The following PHF2 variants were observed in gnomAD, a reference collection of about 807,000 sequenced individuals.
The protein encoded by PHF2 is PHD finger protein 2.
In PHF2, 27 loss-of-function variants were observed where a neutral mutation model predicts 120.5. That is an observed-to-expected ratio of 0.22 (90% CI 0.17 to 0.31). The LOEUF is 0.31. Ranked by LOEUF, PHF2 falls within the 10% of genes least tolerant of loss-of-function variation. PHF2 has a pLI of 1.00. For synonymous variants in PHF2, 568 were observed against 592.5 expected (o/e 0.96, Z 0.60); for missense variants, 1,024 against 1,434.8 (o/e 0.71, Z 4.63).
In PHF2 at chr9:93,660,403, C is replaced by T; in HGVS notation, c.1541C>T (p.Pro514Leu). Residue 514 changes from proline to leucine, a missense_variant, in exon 12 of 22, where the codon CCC (proline) becomes CTC (leucine). Around this residue, in one of 2 missense-constraint regions of PHF2, gnomAD observed 677 missense variants for 857.4 expected, o/e 0.79. Transcript: ENST00000359246. The part of the protein sequence containing the change: ...KIPKPPKPPK[P>L]PRPPKTLKLK... ...CCCAAGCCCCCGAAGCCCCCTAAGCCCCCAAGGCCCCCCAAAACGCTGAAG... is the reference window on the plus strand; with the variant it reads ...CCCAAGCCCCCGAAGCCCCCTAAGCTCCCAAGGCCCCCCAAAACGCTGAAG... The T allele has an allele frequency of 6.5e-7, 1 of 1,544,448 alleles. No individual in the cohort carries two copies. Among genetic ancestry groups the T allele is most frequent in the Non-Finnish European group, 8.7e-7 (1 of 1,144,732 alleles).
chr9:93,677,661 G>T lies in PHF2; in HGVS notation c.3276G>T (p.Gly1092=). 1.2e-6 allele frequency: 2 copies of T among 1,613,374 alleles called. No individual in the cohort carries two copies. The highest frequency in any genetic ancestry group is 2.2e-5 in the South Asian group (2 of 91,068). Residue 1092 remains glycine (G), a synonymous_variant, in exon 22 of 22, where the codon GGG becomes GGT. Coordinates refer to ENST00000359246, the MANE Select transcript of PHF2 (RefSeq NM_005392.4). The surrounding 1 kb of genome is among the most constrained non-coding windows in gnomAD (Gnocchi z 4.4). ...LGKILKIHRN[G]KLLL ...AAATTTTGAAAATTCATCGGAACGG[G>T]AAACTACTCCTTTAAGATTTGGAAA... is the stretch of plus-strand genomic sequence containing the variant.
intron 1 of PHF2, chr9:93,594,855 T>G (rs1825302914): frequency 6.5e-6 from 1 of 153,200 alleles, no homozygotes; most frequent in Admixed American, 6.5e-5. Flanking sequence ...GTAATTGCGG[T>G]TTTTGCTATT....
At chr9:93,659,103 G>A (rs1175128483) in intron 10 of PHF2, among the ~76,000 whole-genome samples, 2 of 152,188 alleles carry the variant, frequency 1.3e-5, no homozygotes, top group Non-Finnish European at 2.9e-5. Context: ...CTCATGGGTG[G>A]GCCAGGCAGG....
rs1239713839 is a variant in PHF2 at position 93,679,342 on chromosome 9, T to G, written c.*1666T>G. 2.2e-6 allele frequency: 1 copy of G among 448,392 alleles called. No individual in the cohort carries two copies. Among genetic ancestry groups the G allele is most frequent in the Non-Finnish European group, 4.4e-6 (1 of 224,912 alleles). The allele number at this position is 448,392 out of a possible 1,614,324, so 27.8% of individuals were successfully genotyped here. A position where few individuals can be genotyped will look rare whatever the true frequency, so the allele number is the denominator to read the frequency against. On this transcript the variant is annotated 3_prime_UTR_variant, in exon 22 of 22. Coordinates refer to ENST00000359246, the MANE Select transcript of PHF2 (RefSeq NM_005392.4). ...ATTCAGAACTGGTGTTTTTAAAGTT[T>G]CCTTTACCCTGCCCTTGTTGAACAT...
chr9:93,602,244 A>ATTT (rs760745703), intron 1 of PHF2, among the ~76,000 whole-genome samples: 6 of 79,666 alleles, frequency 7.5e-5, no homozygotes, highest in African/African-American at 1.9e-4. Context: ...ATTCCTAGAG[A>ATTT]TTCTTTTTTT....
At chr9:93,649,254 G>A (rs1288506705) in intron 5 of PHF2, 42 bp downstream of exon 5, 2 of 1,485,010 alleles carry the variant, frequency 1.3e-6, no homozygotes, top group Non-Finnish European at 1.8e-6. Flanking sequence ...TGGGGTTGGG[G>A]CAGGGGCGCT....
intron 17 of PHF2, among the ~76,000 whole-genome samples, chr9:93,670,558 G>A (rs965635424): frequency 1.4e-4 from 22 of 152,218 alleles, no homozygotes; most frequent in Admixed American, 1.2e-3. Context: ...GGTTGTGGGC[G>A]GTGGGGCAGG....
intron 1 of PHF2, among the ~76,000 whole-genome samples, chr9:93,598,442 G>A (rs1210504688): frequency 2.0e-5 from 3 of 152,146 alleles, no homozygotes; most frequent in African/African-American, 7.2e-5. Context: ...GGCCCCGGGG[G>A]GCTGGATGTA....
At chr9:93,645,519 T>G (rs1587702941) in intron 3 of PHF2, 110 bp from the exon 4 acceptor site, 5 of 1,127,316 alleles carry the variant, frequency 4.4e-6, no homozygotes. Flanking sequence ...CTGTGGGAGG[T>G]GGGTGGCCAG....
intron 2 of PHF2, among the ~76,000 whole-genome samples, chr9:93,632,741 G>A (rs1297565747): frequency 2.0e-5 from 3 of 152,092 alleles, no homozygotes; most frequent in East Asian, 3.9e-4. Flanking sequence ...TTGGTGGGAT[G>A]GATATTCAGT....
intron 3 of PHF2, among the ~76,000 whole-genome samples, chr9:93,642,024 T>A (rs942635946): frequency 2.6e-5 from 4 of 152,248 alleles, no homozygotes; most frequent in Non-Finnish European, 4.4e-5. Context: ...TAGCAACATT[T>A]ATTGAAAAGA....
At chr9:93,577,978 C>T (rs1389114053) in intron 1 of PHF2, among the ~76,000 whole-genome samples, 1 of 152,182 alleles carries the variant, frequency 6.6e-6, no homozygotes, top group Non-Finnish European at 1.5e-5. Context: ...AGCAAGCAGC[C>T]GGGGGAAAGA....
At chr9:93,609,026 T>G (rs1388800729) in intron 1 of PHF2, among the ~76,000 whole-genome samples, 1 of 144,004 alleles carries the variant, frequency 6.9e-6, no homozygotes, top group Non-Finnish European at 1.6e-5. Context: ...TAATTGAGCA[T>G]TCGATGTGAT....
chr9:93,606,691 T>A (rs1300010071), intron 1 of PHF2, among the ~76,000 whole-genome samples: 1 of 152,178 alleles, frequency 6.6e-6, no homozygotes, highest in Non-Finnish European at 1.5e-5. Context: ...ACAGCAGAAG[T>A]TTTTAATTTT....
At position 93,672,727 on chromosome 9, in the gene PHF2, T is replaced by C. The variant is rs558117669; in HGVS notation, c.2349-858T>C. On this transcript the variant is annotated intron_variant, in intron 17 of 21. Coordinates refer to ENST00000359246, the MANE Select transcript of PHF2 (RefSeq NM_005392.4). Reference sequence around the variant, plus strand: ...GTATGGGTATAGGAGTAGGTACAGGTGTAGATGCAGGTATGGGTATAGGAG... The same window carrying C: ...GTATGGGTATAGGAGTAGGTACAGGCGTAGATGCAGGTATGGGTATAGGAG... 4.1e-6 allele frequency: 4 copies of C among 983,808 alleles called. No homozygotes were observed. The East Asian group carries it at 4.6e-4, about 112-fold the overall frequency. The allele number at this position is 983,808 out of a possible 1,614,324, so 60.9% of individuals were successfully genotyped here. A position where few individuals can be genotyped will look rare whatever the true frequency, so the allele number is the denominator to read the frequency against.
At chr9:93,646,893 A>C (rs933842262) in intron 4 of PHF2, among the ~76,000 whole-genome samples, 11 of 152,186 alleles carry the variant, frequency 7.2e-5, no homozygotes, top group Admixed American at 2.6e-4. Context: ...TTGGGTGTCC[A>C]TGCACAGGGG....
chr9:93,591,108 G>C (rs1825213519), intron 1 of PHF2, among the ~76,000 whole-genome samples: 1 of 152,162 alleles, frequency 6.6e-6, no homozygotes, highest in Non-Finnish European at 1.5e-5. Context: ...ATGGGGGCCA[G>C]CAGCCGTGCC....
rs1465949967 is a variant in PHF2 at position 93,677,222 on chromosome 9, T to G, written c.3202+259T>G. ...TGCCTGCACCCCTGCACCCCAGCCG[T>G]GGGGCCGGCCAGCTGTGGGGACTGA... On this transcript the variant is annotated intron_variant, in intron 21 of 21. Coordinates refer to ENST00000359246, the MANE Select transcript of PHF2 (RefSeq NM_005392.4). This position sits in a 1 kb window ranked among gnomAD's most constrained non-coding sequence, Gnocchi z 4.4. Among the ~76,000 whole-genome samples the G allele has an allele frequency of 1.3e-5, 2 of 151,118 alleles. No homozygotes were observed. Among genetic ancestry groups the G allele is most frequent in the Non-Finnish European group, 2.9e-5 (2 of 67,836 alleles).
In PHF2 at chr9:93,627,492, A is replaced by ATTTTTTTTTTTTTTTT. The variant is rs55647503; in HGVS notation, c.99-2477_99-2462dup. The stretch of plus-strand genomic sequence containing the variant: ...CAATTCAGACTCCTTTTATTTCAGG[A>ATTTTTTTTTTTTTTTT]TTTTTTTTTTTTTTTTGTCTAATTG... On this transcript the variant is annotated intron_variant, in intron 1 of 21. Coordinates refer to ENST00000359246, the MANE Select transcript of PHF2 (RefSeq NM_005392.4). Among the ~76,000 whole-genome samples, 135 of 108,122 alleles carry ATTTTTTTTTTTTTTTT rather than the reference A, an allele frequency of 1.2e-3. 12 individuals carry two copies. Among genetic ancestry groups the ATTTTTTTTTTTTTTTT allele is most frequent in the African/African-American group, 4.3e-3 (114 of 26,534 alleles). 70.9% of individuals were successfully genotyped at this position (108,122 alleles called of 152,430 possible).
Sources: allele counts gnomAD v4.1 joint callset (sites outside exome capture counted in the v4.1 genomes callset), GRCh38; gene constraint gnomAD v4.1.1; regional missense constraint gnomAD v4.1.1; non-coding constraint Gnocchi (gnomAD v3.1); transcripts MANE v1.5; gene names NCBI Gene and HGNC (gene_info 2026-07-23, HGNC 2026-07-21).